The following HECW1 variants were observed in gnomAD, a reference collection of about 807,000 sequenced individuals.
HECW1 encodes E3 ubiquitin-protein ligase HECW1.
HECW1 carries 61 observed loss-of-function variants against 182.3 expected under a neutral mutation model. The ratio of observed to expected loss-of-function variants is 0.33; its 90% confidence interval spans 0.27 to 0.41. The LOEUF is 0.41. HECW1 is among the 10% of genes least tolerant of loss of function. The probability of loss-of-function intolerance (pLI) is 1.00; values close to 1 mark genes in which losing one functional copy is unlikely to be tolerated. For missense variants in HECW1, 1,739 were observed against 2,108.9 expected (o/e 0.82, Z 3.44); for synonymous variants, 859 against 832.6 (o/e 1.03, Z -0.55).
Position 43,444,679 on chromosome 7 carries a change from G to C in HECW1, c.1507G>C (p.Glu503Gln), listed in dbSNP as rs1335019283. 7 of 1,606,328 alleles carry C rather than the reference G, an allele frequency of 4.4e-6. No individual in the cohort carries two copies. In the African/African-American group the frequency reaches 9.4e-5, roughly 21 times the overall value. ...TQSRAGREEE[E>Q]KEQEEEGDVS... Reference sequence around the variant, plus strand: ...GAGCCGGGCTGGAAGGGAAGAAGAGGAGAAGGAGCAGGAGGAGGAGGGAGA... The same window carrying C: ...GAGCCGGGCTGGAAGGGAAGAAGAGCAGAAGGAGCAGGAGGAGGAGGGAGA... Residue 503 changes from glutamate (E) to glutamine (Q), a missense_variant, in exon 11 of 30, where the codon GAG becomes CAG. Coordinates refer to ENST00000395891, the MANE Select transcript of HECW1 (RefSeq NM_015052.5). This position sits in a 1 kb window ranked among gnomAD's most constrained non-coding sequence, Gnocchi z 4.3.
chr7:43,546,616 CAAA>C (rs3037095), intron 26 of HECW1, among the ~76,000 whole-genome samples: 29,013 of 136,444 alleles, frequency 0.21, 3,028 homozygotes, highest in Non-Finnish European at 0.25. Context: ...TGTCCAATAT[CAAA>C]AAAAAAAAAA....
intron 2 of HECW1, among the ~76,000 whole-genome samples, chr7:43,220,461 C>G (rs1796844324): frequency 1.3e-5 from 2 of 152,224 alleles, no homozygotes; most frequent in Non-Finnish European, 2.9e-5. Context: ...CTCCAGAGAT[C>G]AGGCTGATGT....
chr7:43,438,302 A>G, intron 9 of HECW1, 157 bp downstream of exon 9: 2 of 597,552 alleles, frequency 3.3e-6, no homozygotes, highest in Non-Finnish European at 5.6e-6. Context: ...GCCTGAGCCA[A>G]CATAAGTGTT....
intron 24 of HECW1, among the ~76,000 whole-genome samples, chr7:43,530,556 T>C (rs1172707595): frequency 6.6e-6 from 1 of 152,138 alleles, no homozygotes; most frequent in African/African-American, 2.4e-5. Context: ...TATAATTTTA[T>C]ATAAAATATA....
chr7:43,542,558 A>G (rs889547490), intron 26 of HECW1, among the ~76,000 whole-genome samples: 5 of 151,668 alleles, frequency 3.3e-5, no homozygotes, highest in Non-Finnish European at 7.4e-5. Context: ...CATATATGCC[A>G]TATTTTCTTT....
At chr7:43,130,360 A>G (rs930605822) in intron 2 of HECW1, among the ~76,000 whole-genome samples, 16 of 152,184 alleles carry the variant, frequency 1.1e-4, no homozygotes, top group African/African-American at 3.4e-4. Flanking sequence ...CCTTATGCAC[A>G]TATCCTGAAG....
intron 6 of HECW1, among the ~76,000 whole-genome samples, chr7:43,366,182 C>T (rs184013441): frequency 6.6e-6 from 1 of 152,018 alleles, no homozygotes; most frequent in Non-Finnish European, 1.5e-5. Context: ...CTTGTCAGAC[C>T]CCCTGAGCAG....
Position 43,252,080 on chromosome 7 carries a change from T to A in HECW1, c.27+8148T>A, listed in dbSNP as rs77295150. Among the ~76,000 whole-genome samples, 870 of 152,268 alleles carry A rather than the reference T, an allele frequency of 5.7e-3. 12 individuals are homozygous for A. The highest frequency in any genetic ancestry group is 0.02 in the African/African-American group (825 of 41,538). ...GAATTCACTCCCTTAACACACAGAA[T>A]ATTTCCAAATGTGCATCACTATCAG... On this transcript the variant is annotated intron_variant, in intron 3 of 29. Coordinates refer to ENST00000395891, the MANE Select transcript of HECW1 (RefSeq NM_015052.5).
At chr7:43,173,866 CAG>C (rs1791943254) in intron 2 of HECW1, among the ~76,000 whole-genome samples, 2 of 150,084 alleles carry the variant, frequency 1.3e-5, no homozygotes, top group African/African-American at 4.9e-5. Context: ...TTTTTGGAGA[CAG>C]GGTATCACTC....
intron 2 of HECW1, among the ~76,000 whole-genome samples, chr7:43,167,374 A>G (rs1015315384): frequency 2.6e-5 from 4 of 152,126 alleles, no homozygotes; most frequent in Non-Finnish European, 5.9e-5. Flanking sequence ...GGGTGATTTT[A>G]TCTCAAGATC....
chr7:43,290,587 G>T (rs895523669), intron 3 of HECW1, among the ~76,000 whole-genome samples: 1 of 152,148 alleles, frequency 6.6e-6, no homozygotes, highest in Non-Finnish European at 1.5e-5. Flanking sequence ...CATTTTTCAG[G>T]TTCCTCTGGG....
chr7:43,518,174 C>G (rs958751164), intron 24 of HECW1, among the ~76,000 whole-genome samples: 3 of 151,960 alleles, frequency 2.0e-5, no homozygotes, highest in Admixed American at 2.0e-4. Context: ...TAGAGACAAT[C>G]TTTTTAATCA....
At chr7:43,410,961 A>T (rs1007012946) in intron 8 of HECW1, among the ~76,000 whole-genome samples, 1 of 151,582 alleles carries the variant, frequency 6.6e-6, no homozygotes, top group Non-Finnish European at 1.5e-5. Flanking sequence ...AGCTCTTGAC[A>T]TCATTTTCTC....
chr7:43,498,344 G>A (rs142411437), intron 19 of HECW1, among the ~76,000 whole-genome samples: 59 of 152,266 alleles, frequency 3.9e-4, no homozygotes, highest in Admixed American at 2.5e-3. Context: ...TCTTTTTCCC[G>A]CAGGGAGGGA....
chr7:43,434,034 C>CA (rs2076631692), intron 8 of HECW1, among the ~76,000 whole-genome samples: 2 of 150,998 alleles, frequency 1.3e-5, no homozygotes, highest in African/African-American at 4.9e-5. Flanking sequence ...ACAATACATC[C>CA]TTTTTTTTAA....
intron 3 of HECW1, among the ~76,000 whole-genome samples, chr7:43,272,464 A>G (rs965915947): frequency 2.6e-5 from 4 of 152,182 alleles, no homozygotes; most frequent in African/African-American, 9.7e-5. Context: ...AAAATCTATA[A>G]AAACTTAATT....
intron 5 of HECW1, among the ~76,000 whole-genome samples, chr7:43,328,625 A>G (rs1054792634): frequency 8.5e-5 from 13 of 152,244 alleles, no homozygotes; most frequent in African/African-American, 2.9e-4. Flanking sequence ...GGGGACATCA[A>G]AATTGACCTG....
chr7:43,307,560 C>T (rs1032007710), intron 3 of HECW1, among the ~76,000 whole-genome samples: 14 of 152,124 alleles, frequency 9.2e-5, no homozygotes, highest in African/African-American at 3.4e-4. Flanking sequence ...GCCTTTTATC[C>T]AGGGCTATTT....
intron 3 of HECW1, among the ~76,000 whole-genome samples, chr7:43,299,705 AAGT>A (rs1806492932): frequency 1.3e-5 from 2 of 152,216 alleles, no homozygotes; most frequent in African/African-American, 4.8e-5. Context: ...CATAGTAGCT[AAGT>A]GTCCCCTTCC....
Sources: gnomAD v4.1 joint callset for allele counts (sites outside exome capture counted in the v4.1 genomes callset) on GRCh38, gnomAD v4.1.1 for gene constraint, Gnocchi (gnomAD v3.1) non-coding constraint, MANE v1.5 for transcripts, NCBI Gene and HGNC (gene_info 2026-07-23, HGNC 2026-07-21) for gene names.